Variants in PMM2 observed in about 807,000 individuals in gnomAD.
PMM2 encodes the protein phosphomannomutase 2.
Under a neutral mutation model 33.2 loss-of-function variants are expected in PMM2, and 35 were observed. The ratio of observed to expected loss-of-function variants is 1.06; its 90% CI spans 0.81 to 1.40. PMM2 has a LOEUF of 1.40. Among genes scored for constraint, PMM2 ranks in the 40% most tolerant of loss-of-function variants. The pLI is 0.00. For synonymous variants in PMM2, 153 were observed against 114.7 expected, an observed-to-expected ratio of 1.33 and a Z score of -2.13; for missense variants, 386 against 306.0, an observed-to-expected ratio of 1.26 and a Z score of -1.95.
intron 7 of PMM2, among the ~76,000 whole-genome samples, chr16:8,835,457 A>T (rs969581896): frequency 1.3e-5 from 2 of 151,988 alleles, no homozygotes; most frequent in Non-Finnish European, 2.9e-5. Context: ...ATCTAACTGA[A>T]AGCAAAGAGA....
intron 7 of PMM2, among the ~76,000 whole-genome samples, chr16:8,819,906 C>G (rs1022316646): frequency 6.6e-6 from 1 of 152,190 alleles, no homozygotes; most frequent in Non-Finnish European, 1.5e-5. Context: ...AAGCTGGGAT[C>G]TGAAAGCCTC....
chr16:8,805,868 G>A (rs535899387), intron 3 of PMM2, among the ~76,000 whole-genome samples: 1 of 152,310 alleles, frequency 6.6e-6, no homozygotes, highest in South Asian at 2.1e-4. Flanking sequence ...GGGATTACAG[G>A]TGTGAGCTGC....
At chr16:8,816,481 C>T (rs891285026) in intron 7 of PMM2, among the ~76,000 whole-genome samples, 47 of 151,682 alleles carry the variant, frequency 3.1e-4, no homozygotes, top group African/African-American at 1.1e-3. Context: ...TGGCTCACAC[C>T]TATAATCCCA....
intron 7 of PMM2, among the ~76,000 whole-genome samples, chr16:8,813,656 C>T (rs2060690441): frequency 6.6e-6 from 1 of 151,960 alleles, no homozygotes; most frequent in Non-Finnish European, 1.5e-5. Flanking sequence ...GAGTTCAGGG[C>T]CAAATCTAAA....
chr16:8,811,616 G>A (rs773061971), intron 5 of PMM2, 22 bp from the exon 6 acceptor site: 1 of 1,465,218 alleles, frequency 6.8e-7, no homozygotes, highest in Non-Finnish European at 9.6e-7. Flanking sequence ...AGAAACAATT[G>A]GTATCTTTTT....
rs562173237 is a variant in PMM2 at position 8,842,548 on chromosome 16, C to T, written c.640-5176C>T. ...CAAAGAGAGGCTGGGACAAGGGGTG[C>T]AGGGGAACGCTGAAAGAAGCATCTT... On this transcript the variant is annotated intron_variant, in intron 7 of 7. Coordinates refer to ENST00000268261, the MANE Select transcript of PMM2 (RefSeq NM_000303.3). Among the ~76,000 whole-genome samples the T allele has an allele frequency of 2.0e-5, 3 of 152,130 alleles. No homozygotes were observed. The East Asian group carries it at 5.8e-4, about 29-fold the overall frequency.
At chr16:8,839,428 C>A (rs2060874639) in intron 7 of PMM2, among the ~76,000 whole-genome samples, 1 of 151,846 alleles carries the variant, frequency 6.6e-6, no homozygotes, top group Admixed American at 6.6e-5. Flanking sequence ...GTAATGGGGA[C>A]TGATGGGGTA....
rs61730638 is a variant in PMM2 at position 8,801,825 on chromosome 16, C to A, written c.93C>A (p.Phe31Leu). The A allele has an allele frequency of 7.5e-6, 12 of 1,610,470 alleles. No homozygotes were observed. The highest frequency in any genetic ancestry group is 1.0e-5 in the Non-Finnish European group (12 of 1,177,642). Reference protein sequence around the residue: ...RQKITKEMDDFLQKLRQKIKI... With the variant: ...RQKITKEMDDLLQKLRQKIKI... ...AAATTACCAAAGAAATGGATGACTT[C>A]CTACAAAAATTGAGGCAGAAGATCA... Residue 31 changes from phenylalanine to leucine, a missense_variant, in exon 2 of 8, where the codon TTC becomes TTA. By Grantham distance (22) the Phe-to-Leu change is conservative. Coordinates refer to ENST00000268261, the MANE Select transcript of PMM2 (RefSeq NM_000303.3).
chr16:8,806,524 A>T (rs1250644714), intron 4 of PMM2, 117 bp downstream of exon 4: 2 of 756,036 alleles, frequency 2.6e-6, no homozygotes, highest in African/African-American at 3.5e-5. Flanking sequence ...TTTTAAAAAC[A>T]AAGTCTGATA....
Position 8,801,707 on chromosome 16 carries a change from A to G in PMM2, c.67-92A>G, listed in dbSNP as rs2060617255. The G allele has an allele frequency of 6.3e-6, 5 of 798,818 alleles. No homozygotes were observed. The South Asian group carries it at 8.2e-5, about 13-fold the overall frequency. 49.5% of individuals were successfully genotyped at this position (798,818 alleles called of 1,614,324 possible). On this transcript the variant is annotated intron_variant, in intron 1 of 7. Coordinates refer to ENST00000268261, the MANE Select transcript of PMM2 (RefSeq NM_000303.3). Reference sequence around the variant, plus strand: ...TTTTCTTTAATTTTTAAATAAGAAAATAAGACTTATGTACTTGTGTTACCC... The same window carrying G: ...TTTTCTTTAATTTTTAAATAAGAAAGTAAGACTTATGTACTTGTGTTACCC...
intron 3 of PMM2, among the ~76,000 whole-genome samples, chr16:8,806,061 T>C (rs994962183): frequency 2.6e-5 from 4 of 152,172 alleles, no homozygotes; most frequent in Non-Finnish European, 2.9e-5. Context: ...CAGGAAGCAT[T>C]TGAACAATAA....
intron 3 of PMM2, among the ~76,000 whole-genome samples, chr16:8,805,409 C>T (rs1458666581): frequency 1.3e-5 from 2 of 152,060 alleles, no homozygotes; most frequent in South Asian, 4.1e-4. Context: ...GCTGTGTTAA[C>T]CAGGCTGGAG....
intron 6 of PMM2, 81 bp downstream of exon 6, chr16:8,811,794 G>A (rs571701193): frequency 1.0e-6 from 1 of 959,066 alleles, no homozygotes; most frequent in African/African-American, 1.6e-5. Context: ...TATTGATAAT[G>A]AAGTATGTGC....
At chr16:8,836,703 A>G (rs2060850416) in intron 7 of PMM2, among the ~76,000 whole-genome samples, 1 of 151,988 alleles carries the variant, frequency 6.6e-6, no homozygotes, top group Non-Finnish European at 1.5e-5. Flanking sequence ...TGTCGGGAGC[A>G]GATTGGGTAA....
Position 8,811,126 on chromosome 16 carries a change from T to C in PMM2, c.395T>C (p.Ile132Thr), listed in dbSNP as rs80338702. Residue 132 changes from isoleucine to threonine, a missense_variant, in exon 5 of 8, where the codon ATT becomes ACT. Physicochemically the swap from Ile to Thr is moderately conservative, Grantham distance 89 (BLOSUM62 -1). Transcript: ENST00000268261. Reference protein sequence around the residue: ...FRNGMLNVSPIGRSCSQEERI... With the variant: ...FRNGMLNVSPTGRSCSQEERI... ...AATGGGATGTTAAACGTGTCCCCTA[T>C]TGGAAGAAGCTGCAGCCAAGAAGAA... 4 of 1,578,444 alleles carry C rather than the reference T, an allele frequency of 2.5e-6. No homozygotes were observed. The highest frequency in any genetic ancestry group is 3.5e-6 in the Non-Finnish European group (4 of 1,158,164).
chr16:8,832,542 A>G, intron 7 of PMM2: 1 of 985,396 alleles, frequency 1.0e-6, no homozygotes, highest in Non-Finnish European at 1.2e-6. Flanking sequence ...CAGGCCTAGC[A>G]ACTGTCAGGG....
At chr16:8,841,389 C>T (rs539134350) in intron 7 of PMM2, among the ~76,000 whole-genome samples, 3 of 150,328 alleles carry the variant, frequency 2.0e-5, no homozygotes, top group African/African-American at 7.3e-5. Flanking sequence ...TCTACTTAGA[C>T]TAAGAGGTAT....
In PMM2 at chr16:8,804,773, A is replaced by G. The variant is rs764831434; in HGVS notation, c.185A>G (p.Glu62Gly). ...TTTTTGGTTTTGATTGTAGTGGTTGAAAAATACGATTATGTGTTTCCAGAA... is the reference window on the plus strand; with the variant it reads ...TTTTTGGTTTTGATTGTAGTGGTTGGAAAATACGATTATGTGTTTCCAGAA... ...VQEQLGNDVV[E>G]KYDYVFPENG... Residue 62 changes from glutamate to glycine, a missense_variant, in exon 3 of 8, where the codon GAA becomes GGA. Physicochemically the swap from Glu to Gly is moderately conservative, Grantham distance 98. Coordinates refer to ENST00000268261, the MANE Select transcript of PMM2 (RefSeq NM_000303.3). 1.2e-6 allele frequency: 2 copies of G among 1,612,262 alleles called. No individual in the cohort carries two copies. Among genetic ancestry groups the G allele is most frequent in the East Asian group, 2.2e-5 (1 of 44,850 alleles).
chr16:8,830,224 G>C (rs966413615), intron 7 of PMM2, among the ~76,000 whole-genome samples: 2 of 152,170 alleles, frequency 1.3e-5, no homozygotes, highest in African/African-American at 2.4e-5. Context: ...GGGGGGTTGG[G>C]GAGGCTACTG....
Sources: allele counts gnomAD v4.1 joint callset (sites outside exome capture counted in the v4.1 genomes callset), GRCh38; gene constraint gnomAD v4.1.1; transcripts MANE v1.5; gene names NCBI Gene and HGNC (gene_info 2026-07-23, HGNC 2026-07-21).